Variants in TMEM9B observed in about 807,000 individuals in gnomAD.
TMEM9B encodes TMEM9 domain family member B.
A neutral mutation model predicts 23.5 loss-of-function variants in TMEM9B; 8 were observed. The observed-to-expected ratio is 0.34, with a 90% CI of 0.20 to 0.61. The LOEUF (loss-of-function observed/expected upper bound fraction) is 0.61. Among genes scored for constraint, TMEM9B ranks in the 20% least tolerant of loss-of-function variants. TMEM9B has a pLI of 0.78. For synonymous variants in TMEM9B, 106 were observed against 96.3 expected (o/e 1.10, Z -0.59); for missense variants, 197 against 252.3 (o/e 0.78, Z 1.49).
intron 2 of TMEM9B, among the ~76,000 whole-genome samples, chr11:8,961,616 A>C (rs1854084125): frequency 6.6e-6 from 1 of 152,252 alleles, no homozygotes; most frequent in African/African-American, 2.4e-5. Context: ...ACCAAATGGG[A>C]AACTCTGACT....
Position 8,953,343 on chromosome 11 carries a change from G to T in TMEM9B, c.307-6C>A, listed in dbSNP as rs781436083. 1.2e-6 allele frequency: 2 copies of T among 1,611,708 alleles called. No homozygotes were observed. The highest frequency in any genetic ancestry group is 4.5e-5 in the East Asian group (2 of 44,836). ...AGATAAATTATAATGGTAACCTAAAGGAAATTGAAAATTAAGTTACATCTT... is the reference window on the plus strand; with the variant it reads ...AGATAAATTATAATGGTAACCTAAATGAAATTGAAAATTAAGTTACATCTT... On this transcript the variant is annotated splice_region_variant and splice_polypyrimidine_tract_variant and intron_variant, in intron 3 of 4. Transcript: ENST00000534025.
At chr11:8,960,138 G>GTTT (rs10550659) in intron 2 of TMEM9B, among the ~76,000 whole-genome samples, 7 of 83,694 alleles carry the variant, frequency 8.4e-5, no homozygotes, top group African/African-American at 2.6e-4. Flanking sequence ...CTTTGTTTCT[G>GTTT]TTTTTTTTTT....
chr11:8,948,681 C>T (rs572336403), intron 4 of TMEM9B, among the ~76,000 whole-genome samples: 4 of 152,188 alleles, frequency 2.6e-5, no homozygotes, highest in East Asian at 3.9e-4. Context: ...GAAACATAAG[C>T]GATGACAGAG....
chr11:8,964,018 G>C, intron 1 of TMEM9B, 191 bp downstream of exon 1: 1 of 597,288 alleles, frequency 1.7e-6, no homozygotes, highest in Non-Finnish European at 2.9e-6. Flanking sequence ...CAGGCTGTCG[G>C]GGCTGAGGGC....
At chr11:8,964,508 C>A, upstream of TMEM9B, 14 of 1,401,254 alleles carry the variant, frequency 1.0e-5, no homozygotes, top group Non-Finnish European at 1.3e-5. Context: ...GAACCGGTTA[C>A]CAGTGCGAAG....
chr11:8,964,615 C>G (rs1854166215), upstream of TMEM9B: 1 of 503,044 alleles, frequency 2.0e-6, no homozygotes, highest in Non-Finnish European at 3.1e-6. Context: ...CCCAGTAGAG[C>G]TTTGCATCTC....
chr11:8,963,186 T>C (rs918107204), intron 1 of TMEM9B, among the ~76,000 whole-genome samples: 1 of 152,172 alleles, frequency 6.6e-6, no homozygotes, highest in African/African-American at 2.4e-5. Flanking sequence ...GCCAGCAATG[T>C]TTTCAAAGTC....
intron 3 of TMEM9B, among the ~76,000 whole-genome samples, chr11:8,954,541 G>A (rs1027863212): frequency 3.3e-5 from 5 of 151,924 alleles, no homozygotes; most frequent in Non-Finnish European, 5.9e-5. Context: ...CACCCGCCTC[G>A]GACTTCCAAA....
chr11:8,961,246 T>G (rs765772983), intron 2 of TMEM9B, among the ~76,000 whole-genome samples: 1 of 152,248 alleles, frequency 6.6e-6, no homozygotes, highest in Non-Finnish European at 1.5e-5. Context: ...CTGAATGAAT[T>G]TAATCTTGCT....
chr11:8,948,802 C>A (rs975130692), intron 4 of TMEM9B, among the ~76,000 whole-genome samples: 3 of 152,166 alleles, frequency 2.0e-5, no homozygotes, highest in East Asian at 1.9e-4. Flanking sequence ...CCTTCCTTAA[C>A]TGATAGGGAA....
In TMEM9B at chr11:8,956,115, G is replaced by C. The variant is rs541274306; in HGVS notation, c.306+75C>G. 25 of 1,414,792 alleles carry C rather than the reference G, an allele frequency of 1.8e-5. No homozygotes were observed. In the East Asian group the frequency reaches 5.6e-4, roughly 32 times the overall value. The allele number at this position is 1,414,792 out of a possible 1,614,324, so 87.6% of individuals were successfully genotyped here. A position where few individuals can be genotyped will look rare whatever the true frequency, so the allele number is the denominator to read the frequency against. ...GTAGGGGTCCAAATTTTTCTGTCTT[G>C]TCTAGAAACCATCCAGAAGCAGAAA... On this transcript the variant is annotated intron_variant, in intron 3 of 4. Coordinates refer to ENST00000534025, the MANE Select transcript of TMEM9B (RefSeq NM_020644.3).
At chr11:8,958,809 G>A (rs1854021219) in intron 2 of TMEM9B, among the ~76,000 whole-genome samples, 1 of 152,112 alleles carries the variant, frequency 6.6e-6, no homozygotes, top group African/African-American at 2.4e-5. Context: ...AACTTCAGGT[G>A]ATGTGCCTGC....
intron 2 of TMEM9B, 99 bp from the exon 3 acceptor site, chr11:8,956,397 C>A: frequency 1.3e-6 from 1 of 797,890 alleles, no homozygotes; most frequent in Non-Finnish European, 2.0e-6. Flanking sequence ...CTAAACTTAC[C>A]CAATGAAAGA....
At chr11:8,962,287 A>G in intron 1 of TMEM9B, 104 bp from the exon 2 acceptor site, 1 of 681,642 alleles carries the variant, frequency 1.5e-6, no homozygotes, top group Non-Finnish European at 2.4e-6. Context: ...TAGAATACCA[A>G]GTATTCTAAA....
chr11:8,962,095 T>C lies in TMEM9B; in HGVS notation c.194A>G (p.Asp65Gly). Residue 65 changes from aspartate to glycine, a missense_variant, in exon 2 of 5, where the codon GAT (aspartate) becomes GGT (glycine). Transcript: ENST00000534025. Reference protein sequence around the residue: ...HIYNKNISQKDCDCLHVVEPM... With the variant: ...HIYNKNISQKGCDCLHVVEPM... ...ATTCAGTAATCCAGATACTTACCAA[T>C]CTTTCTGAGATATGTTCTTATTATA... The C allele has an allele frequency of 1.9e-6, 3 of 1,574,548 alleles. No individual in the cohort carries two copies. The highest frequency in any genetic ancestry group is 2.6e-6 in the Non-Finnish European group (3 of 1,157,268).
rs1273711890 is a variant in TMEM9B at position 8,964,364 on chromosome 11, G to A, written c.-51C>T. On this transcript the variant is annotated 5_prime_UTR_variant, in exon 1 of 5. Coordinates refer to ENST00000534025, the MANE Select transcript of TMEM9B (RefSeq NM_020644.3). ...CCCGGAGCCCCCGCGACCGGCTCCC[G>A]GCTCGGGCTCAGGCTCAGGCTCAGG... 3 of 1,532,882 alleles carry A rather than the reference G, an allele frequency of 2.0e-6. No homozygotes were observed. Among genetic ancestry groups the A allele is most frequent in the South Asian group, 1.2e-5 (1 of 82,138 alleles). 95.0% of individuals were successfully genotyped at this position (1,532,882 alleles called of 1,614,324 possible).
Position 8,952,279 on chromosome 11 carries a change from C to CACACACACACACACAT in TMEM9B, c.441+923_441+924insATGTGTGTGTGTGTGT, listed in dbSNP as rs371219457. 4.0e-3 allele frequency among the ~76,000 whole-genome samples: 507 copies of CACACACACACACACAT among 126,092 alleles called. 4 individuals carry two copies. Among genetic ancestry groups the CACACACACACACACAT allele is most frequent in the African/African-American group, 0.014 (489 of 35,492 alleles). 82.7% of individuals were successfully genotyped at this position (126,092 alleles called of 152,430 possible). A position where few individuals can be genotyped will look rare whatever the true frequency, so the allele number is the denominator to read the frequency against. Reference sequence around the variant, plus strand: ...ACACACACACACACACACACACACACGCTATATATATATATATATAAACAT... The same window carrying CACACACACACACACAT: ...ACACACACACACACACACACACACACACACACACACACACATGCTATATATATATATATATAAACAT... On this transcript the variant is annotated intron_variant, in intron 4 of 4. Transcript: ENST00000534025.
At chr11:8,953,661 T>C (rs541075126) in intron 3 of TMEM9B, among the ~76,000 whole-genome samples, 7 of 152,354 alleles carry the variant, frequency 4.6e-5, no homozygotes, top group South Asian at 2.1e-4. Flanking sequence ...TTAGCTCAAT[T>C]TAGATATACA....
chr11:8,961,155 GAACA>G (rs1253765220), intron 2 of TMEM9B, among the ~76,000 whole-genome samples: 1 of 152,166 alleles, frequency 6.6e-6, no homozygotes, highest in Non-Finnish European at 1.5e-5. Context: ...TATCAGGGAA[GAACA>G]GACAGTGGCA....
Sources: allele counts gnomAD v4.1 joint callset (sites outside exome capture counted in the v4.1 genomes callset), GRCh38; gene constraint gnomAD v4.1.1; transcripts MANE v1.5; gene names NCBI Gene and HGNC (gene_info 2026-07-23, HGNC 2026-07-21).